The following ARPC3 variants were observed in gnomAD, a reference collection of about 807,000 sequenced individuals.
ARPC3 encodes actin-related protein 2/3 complex subunit 3.
In ARPC3, 12 loss-of-function variants were observed where a neutral mutation model predicts 27.6. The observed-to-expected ratio is 0.43, with a 90% CI of 0.28 to 0.70. The LOEUF (loss-of-function observed/expected upper bound fraction) is 0.70. Ranked by LOEUF, ARPC3 falls within the 30% of genes least tolerant of loss-of-function variation. The pLI, the probability that ARPC3 is intolerant of heterozygous loss-of-function variation, is 0.17. For missense variants in ARPC3, 153 were observed against 207.7 expected (o/e 0.74, Z 1.62); for synonymous variants, 53 against 67.2 (o/e 0.79, Z 1.03).
At chr12:110,440,529 C>T (rs1479449447) in intron 2 of ARPC3, 141 bp from the exon 3 acceptor site, 31 of 669,356 alleles carry the variant, frequency 4.6e-5, no homozygotes, top group Non-Finnish European at 7.8e-5. Flanking sequence ...TATTGAAATA[C>T]AAAGTTTTTA....
intron 1 of ARPC3, among the ~76,000 whole-genome samples, chr12:110,446,741 T>C (rs1388075583): frequency 3.3e-5 from 5 of 151,770 alleles, no homozygotes; most frequent in African/African-American, 1.2e-4. Flanking sequence ...CCCAAGTAGC[T>C]GGGATTACAG....
intron 4 of ARPC3, 73 bp from the exon 5 acceptor site, chr12:110,436,756 A>ATT (rs141006506): frequency 0.012 from 12,325 of 1,061,454 alleles, 281 homozygotes; most frequent in African/African-American, 0.067. Flanking sequence ...ACACACACAT[A>ATT]TTTTACAGGG....
chr12:110,450,005 G>GGA (rs10692149), intron 1 of ARPC3, among the ~76,000 whole-genome samples: 113,771 of 151,842 alleles, frequency 0.75, 43,565 homozygotes, highest in African/African-American at 0.91. Flanking sequence ...AGGAGTAGAC[G>GGA]GAGAGAGAAA....
In ARPC3 at chr12:110,445,472, T is replaced by C. The variant is rs2062459226; in HGVS notation, c.86A>G (p.Lys29Arg). ...CTTACTCTCTCTGGGGGCAGGTCCTTTGAATTGACTTCTGATAGGCAACAG... is the reference window on the plus strand; with the variant it reads ...CTTACTCTCTCTGGGGGCAGGTCCTCTGAATTGACTTCTGATAGGCAACAG... ...MALLPIRSQF[K>R]GPAPRETKDT... The change falls in exon 2 of 7, where the codon AAA (lysine) becomes AGA (arginine). Residue 29 changes from lysine (K) to arginine (R), a missense_variant. By Grantham distance (26) the Lys-to-Arg change is conservative. Transcript: ENST00000228825. 6 of 1,612,266 alleles carry C rather than the reference T, an allele frequency of 3.7e-6. No homozygotes were observed. The highest frequency in any genetic ancestry group is 5.1e-6 in the Non-Finnish European group (6 of 1,178,324).
At chr12:110,435,481 C>T (rs1364568637) in intron 6 of ARPC3, among the ~76,000 whole-genome samples, 1 of 152,136 alleles carries the variant, frequency 6.6e-6, no homozygotes, top group Non-Finnish European at 1.5e-5. Flanking sequence ...AGGCGCCTGC[C>T]ACCACGCCTG....
At chr12:110,446,672 G>A (rs1171895319) in intron 1 of ARPC3, among the ~76,000 whole-genome samples, 24 of 147,622 alleles carry the variant, frequency 1.6e-4, no homozygotes, top group African/African-American at 4.3e-4. Context: ...GCGGTGGCGC[G>A]ATCTCTGCTC....
chr12:110,447,803 C>T (rs376045855), intron 1 of ARPC3, among the ~76,000 whole-genome samples: 1 of 150,522 alleles, frequency 6.6e-6, no homozygotes, highest in Admixed American at 6.6e-5. Context: ...CCCCTCCCCC[C>T]AAAAAAACAA....
chr12:110,444,161 G>C (rs2062452480), intron 2 of ARPC3, among the ~76,000 whole-genome samples: 1 of 151,866 alleles, frequency 6.6e-6, no homozygotes. Flanking sequence ...AGTTGAGATG[G>C]GGTTTCTCCA....
At chr12:110,441,422 C>G (rs1342900516) in intron 2 of ARPC3, among the ~76,000 whole-genome samples, 1 of 152,064 alleles carries the variant, frequency 6.6e-6, no homozygotes, top group African/African-American at 2.4e-5. Flanking sequence ...TGAGCCACCA[C>G]CCCCGGATTT....
intron 1 of ARPC3, among the ~76,000 whole-genome samples, chr12:110,449,475 T>C (rs1026955431): frequency 6.6e-6 from 1 of 151,888 alleles, no homozygotes; most frequent in African/African-American, 2.4e-5. Flanking sequence ...GGCACGAGAA[T>C]TGCTTGAACC....
chr12:110,445,214 A>G, intron 2 of ARPC3: 1 of 502,350 alleles, frequency 2.0e-6, no homozygotes, highest in Non-Finnish European at 3.6e-6. Context: ...AGAATTAAGC[A>G]CATTTCCTCC....
At chr12:110,440,555 T>TC (rs2062429711) in intron 2 of ARPC3, 167 bp from the exon 3 acceptor site, 1 of 527,766 alleles carries the variant, frequency 1.9e-6, no homozygotes, top group Admixed American at 3.1e-5. Context: ...TATTTATTTG[T>TC]TTTTTTTTTG....
At chr12:110,436,072 G>C in intron 6 of ARPC3, 38 bp downstream of exon 6, 2 of 1,486,580 alleles carry the variant, frequency 1.3e-6, no homozygotes, top group Non-Finnish European at 1.9e-6. Flanking sequence ...GGGATAAAAG[G>C]TGATTTACCA....
Position 110,450,293 on chromosome 12 carries a change from C to T in ARPC3, c.-33G>A, listed in dbSNP as rs1438104862. The T allele has an allele frequency of 2.5e-6, 4 of 1,613,896 alleles. No individual in the cohort carries two copies. Among genetic ancestry groups the T allele is most frequent in the Non-Finnish European group, 3.4e-6 (4 of 1,179,908 alleles). Reference sequence around the variant, plus strand: ...GCGCCCGGGTTTCAACCCAGAGGAGCAGGATCCAGGTACAGCGGAGCGCTT... The same window carrying T: ...GCGCCCGGGTTTCAACCCAGAGGAGTAGGATCCAGGTACAGCGGAGCGCTT... On this transcript the variant is annotated 5_prime_UTR_variant, in exon 1 of 7. Transcript: ENST00000228825.
chr12:110,441,462 T>C (rs1212185509), intron 2 of ARPC3, among the ~76,000 whole-genome samples: 2 of 152,168 alleles, frequency 1.3e-5, no homozygotes, highest in South Asian at 2.1e-4. Flanking sequence ...AAGTAGTACA[T>C]GGTTTATTTT....
chr12:110,441,178 C>T (rs771888937), intron 2 of ARPC3, among the ~76,000 whole-genome samples: 3 of 148,728 alleles, frequency 2.0e-5, no homozygotes, highest in East Asian at 2.0e-4. Context: ...CTTGCTCCGT[C>T]GCCCAGACTG....
At position 110,436,708 on chromosome 12, in the gene ARPC3, A is replaced by G. The variant is rs778400877; in HGVS notation, c.253-25T>C. On this transcript the variant is annotated intron_variant, in intron 4 of 6. Transcript: ENST00000228825. ...ACTGGAAAAAAAAATATATATATAT[A>G]TATACACACACACACACACACACAC... is the stretch of plus-strand genomic sequence containing the variant. 4.7e-6 allele frequency: 3 copies of G among 639,240 alleles called. 1 individual carries two copies. Among genetic ancestry groups the G allele is most frequent in the Admixed American group, 6.4e-5 (2 of 31,490 alleles). 39.6% of individuals were successfully genotyped at this position (639,240 alleles called of 1,614,324 possible). A position where few individuals can be genotyped will look rare whatever the true frequency, so the allele number is the denominator to read the frequency against.
In ARPC3 at chr12:110,435,134, C is replaced by T. The variant is rs367648251; in HGVS notation, c.*21G>A. The T allele has an allele frequency of 3.2e-4, 518 of 1,606,972 alleles. 1 individual carries two copies. The African/African-American group carries it at 6.1e-3, about 19-fold the overall frequency. On this transcript the variant is annotated 3_prime_UTR_variant, in exon 7 of 7. Coordinates refer to ENST00000228825, the MANE Select transcript of ARPC3 (RefSeq NM_001278556.2). ...AAAATGCTGCCCAGGGCTCTGGAGA[C>T]GGTGGCTGCCCGGGCTCCCTTCACT...
chr12:110,439,742 G>A (rs934505873), intron 3 of ARPC3, among the ~76,000 whole-genome samples: 3 of 152,228 alleles, frequency 2.0e-5, no homozygotes, highest in African/African-American at 7.2e-5. Context: ...GCTGAGGCAG[G>A]AGGACTGTCT....
Sources: allele counts gnomAD v4.1 joint callset (sites outside exome capture counted in the v4.1 genomes callset), GRCh38; gene constraint gnomAD v4.1.1; transcripts MANE v1.5; gene names NCBI Gene and HGNC (gene_info 2026-07-23, HGNC 2026-07-21).